The following SYCP2L variants were observed in gnomAD, a reference collection of about 807,000 sequenced individuals.
The protein encoded by SYCP2L is synaptonemal complex protein 2 like, also known as synaptonemal complex protein 2-like.
SYCP2L carries 98 observed loss-of-function variants against 125.8 expected under a neutral mutation model. That is an observed-to-expected ratio of 0.78 (90% CI 0.66 to 0.92). SYCP2L has a LOEUF of 0.92. Among genes scored for constraint, SYCP2L ranks in the 40% least tolerant of loss-of-function variants. The pLI, the probability that SYCP2L is intolerant of heterozygous loss-of-function variation, is 0.00. For missense variants in SYCP2L, 842 were observed against 936.4 expected (o/e 0.90, Z 1.32); for synonymous variants, 317 against 325.4 (o/e 0.97, Z 0.28).
intron 15 of SYCP2L, among the ~76,000 whole-genome samples, chr6:10,925,109 A>G (rs145027431): frequency 6.6e-6 from 1 of 152,306 alleles, no homozygotes; most frequent in African/African-American, 2.4e-5. Context: ...AGGCTTCACA[A>G]TCATGGTAGA....
chr6:10,909,424 G>A (rs1362567084), intron 10 of SYCP2L, among the ~76,000 whole-genome samples: 1 of 152,058 alleles, frequency 6.6e-6, no homozygotes, highest in African/African-American at 2.4e-5. Context: ...CACCACGTCC[G>A]GCCCGAATTG....
intron 23 of SYCP2L, among the ~76,000 whole-genome samples, chr6:10,943,098 A>G (rs1297734104): frequency 1.3e-5 from 2 of 152,150 alleles, no homozygotes; most frequent in African/African-American, 4.8e-5. Flanking sequence ...TCAAGCATGT[A>G]GGTCACTTGT....
intron 26 of SYCP2L, among the ~76,000 whole-genome samples, chr6:10,959,908 TAC>T (rs1167538551): frequency 6.7e-6 from 1 of 149,772 alleles, no homozygotes; most frequent in African/African-American, 2.4e-5. Context: ...GAAAACACCA[TAC>T]ACACACAGTG....
At chr6:10,970,025 G>A (rs952983784) in intron 29 of SYCP2L, among the ~76,000 whole-genome samples, 4 of 152,282 alleles carry the variant, frequency 2.6e-5, no homozygotes, top group Admixed American at 6.5e-5. Context: ...ACCTCATGGT[G>A]TACATTCTAT....
intron 21 of SYCP2L, 39 bp from the exon 22 acceptor site, chr6:10,942,420 T>G: frequency 7.9e-7 from 1 of 1,268,956 alleles, no homozygotes; most frequent in Non-Finnish European, 1.1e-6. Flanking sequence ...GCTTTGTTAC[T>G]TGGCGTGTAT....
chr6:10,947,456 T>C (rs1781335341), intron 23 of SYCP2L, among the ~76,000 whole-genome samples: 1 of 152,096 alleles, frequency 6.6e-6, no homozygotes, highest in South Asian at 2.1e-4. Context: ...ATTGTCTGCG[T>C]CCTTTATTGA....
chr6:10,947,622 C>T (rs1457378519), intron 23 of SYCP2L, among the ~76,000 whole-genome samples: 1 of 152,034 alleles, frequency 6.6e-6, no homozygotes, highest in Non-Finnish European at 1.5e-5. Context: ...CCTTGCTGAA[C>T]TCTTATTAGG....
intron 14 of SYCP2L, among the ~76,000 whole-genome samples, chr6:10,921,757 G>A: frequency 6.6e-6 from 1 of 151,402 alleles, no homozygotes; most frequent in East Asian, 1.9e-4. Flanking sequence ...CCAGGCTGAA[G>A]TGCAGTGGCG....
At chr6:10,956,439 C>T (rs1781503594) in intron 25 of SYCP2L, among the ~76,000 whole-genome samples, 197 bp downstream of exon 25, 1 of 152,076 alleles carries the variant, frequency 6.6e-6, no homozygotes, top group Admixed American at 6.6e-5. Flanking sequence ...ATGGGGCATA[C>T]AAACTTTCAG....
At chr6:10,916,511 G>C (rs6901646) in intron 14 of SYCP2L, among the ~76,000 whole-genome samples, 1 of 152,050 alleles carries the variant, frequency 6.6e-6, no homozygotes, top group South Asian at 2.1e-4. Flanking sequence ...GTTTTGATAG[G>C]TTGTGTCACT....
intron 14 of SYCP2L, among the ~76,000 whole-genome samples, chr6:10,920,060 T>G (rs115547798): frequency 1.6e-3 from 241 of 152,310 alleles, no homozygotes; most frequent in African/African-American, 5.5e-3. Flanking sequence ...TGACTTGCTT[T>G]GATGTCTTAT....
At chr6:10,890,721 A>G (rs2113279568) in intron 1 of SYCP2L, among the ~76,000 whole-genome samples, 1 of 152,234 alleles carries the variant, frequency 6.6e-6, no homozygotes, top group African/African-American at 2.4e-5. Flanking sequence ...TTTTGCTTTC[A>G]TTGCCTGTGA....
Position 10,935,107 on chromosome 6 carries a change from C to T in SYCP2L, c.1733C>T (p.Thr578Ile). 6.2e-7 allele frequency: 1 copy of T among 1,612,746 alleles called. No individual in the cohort carries two copies. The highest frequency in any genetic ancestry group is 8.5e-7 in the Non-Finnish European group (1 of 1,179,422). The change falls in exon 21 of 30, where the codon ACC becomes ATC. Residue 578 changes from threonine to isoleucine, a missense_variant. Thr to Ile is a moderately conservative substitution (Grantham distance 89, BLOSUM62 -1). Coordinates refer to ENST00000283141, the MANE Select transcript of SYCP2L (RefSeq NM_001040274.3). ...AAAGAAATACCCGAGCAAAATAACACCACATCTCCAAAGACTTCTGAACAA... is the reference window on the plus strand; with the variant it reads ...AAAGAAATACCCGAGCAAAATAACATCACATCTCCAAAGACTTCTGAACAA... ...SEKEIPEQNN[T>I]TSPKTSEQKF...
At chr6:10,899,870 C>T (rs2113297081) in intron 6 of SYCP2L, among the ~76,000 whole-genome samples, 1 of 152,308 alleles carries the variant, frequency 6.6e-6, no homozygotes, top group East Asian at 1.9e-4. Context: ...ATCACAATGA[C>T]AGTTGCTGTC....
rs1561695775 is a variant in SYCP2L at position 10,942,490 on chromosome 6, C to G, written c.1845C>G (p.Leu615=). Residue 615 remains leucine, a synonymous_variant, in exon 22 of 30, where the codon CTC becomes CTG. Coordinates refer to ENST00000283141, the MANE Select transcript of SYCP2L (RefSeq NM_001040274.3). ...ELQDPHSLSE[L]SSLKHSEDEE... ...AAGATCCTCACTCACTGAGTGAGCT[C>G]TCTTCCTTGAAGCACTCAGAAGATG... is the stretch of plus-strand genomic sequence containing the variant. The G allele has an allele frequency of 1.2e-6, 2 of 1,600,082 alleles. No individual in the cohort carries two copies. The highest frequency in any genetic ancestry group is 2.2e-5 in the East Asian group (1 of 44,764).
At chr6:10,938,221 T>C (rs1781137571) in intron 21 of SYCP2L, among the ~76,000 whole-genome samples, 1 of 152,198 alleles carries the variant, frequency 6.6e-6, no homozygotes. Flanking sequence ...CATGTTAAAG[T>C]AGGATTTATC....
chr6:10,892,875 A>G (rs1461633270), intron 2 of SYCP2L, among the ~76,000 whole-genome samples: 1 of 152,184 alleles, frequency 6.6e-6, no homozygotes, highest in Non-Finnish European at 1.5e-5. Context: ...AATAAGTGGA[A>G]TTGTGGGCTG....
chr6:10,962,365 A>G (rs932827287), intron 28 of SYCP2L, among the ~76,000 whole-genome samples: 2 of 151,526 alleles, frequency 1.3e-5, no homozygotes, highest in East Asian at 3.9e-4. Context: ...TCCAATTACC[A>G]CAGTTAATGA....
chr6:10,944,871 T>C (rs968511776), intron 23 of SYCP2L, among the ~76,000 whole-genome samples: 5 of 152,202 alleles, frequency 3.3e-5, no homozygotes, highest in African/African-American at 1.2e-4. Context: ...TGTGCCACCA[T>C]ACCCAGCTAA....
Sources: allele counts gnomAD v4.1 joint callset (sites outside exome capture counted in the v4.1 genomes callset), GRCh38; gene constraint gnomAD v4.1.1; transcripts MANE v1.5; gene names NCBI Gene and HGNC (gene_info 2026-07-23, HGNC 2026-07-21).